KCNIP4: variants seen among roughly 807,000 people sequenced by gnomAD.
The protein encoded by KCNIP4 is potassium voltage-gated channel interacting protein 4, also known as Kv channel-interacting protein 4.
Under a neutral mutation model 34.0 loss-of-function variants are expected in KCNIP4, and 12 were observed. The ratio of observed to expected loss-of-function variants is 0.35; its 90% CI spans 0.23 to 0.57. The LOEUF (loss-of-function observed/expected upper bound fraction) is 0.57, where lower values mean the gene tolerates loss of function less well. KCNIP4 is among the 20% of genes least tolerant of loss of function. The pLI, the probability that KCNIP4 is intolerant of heterozygous loss-of-function variation, is 0.83. For synonymous variants in KCNIP4, 124 were observed against 102.2 expected, an observed-to-expected ratio of 1.21 and a Z score of -1.29; for missense variants, 238 against 311.7, an observed-to-expected ratio of 0.76 and a Z score of 1.78.
At chr4:21,405,350 A>G (rs1723891869) in intron 1 of KCNIP4, among the ~76,000 whole-genome samples, 2 of 152,160 alleles carry the variant, frequency 1.3e-5, no homozygotes, top group South Asian at 4.1e-4. Context: ...CTTATTGTGC[A>G]TCCTTATTGT....
intron 1 of KCNIP4, among the ~76,000 whole-genome samples, chr4:21,832,862 T>A (rs1320154541): frequency 6.6e-6 from 1 of 151,220 alleles, no homozygotes; most frequent in Admixed American, 6.6e-5. Context: ...GTTCTTGCGA[T>A]ACTTTACTGA....
chr4:21,050,592 T>C (rs534473399), intron 1 of KCNIP4, among the ~76,000 whole-genome samples: 2 of 152,300 alleles, frequency 1.3e-5, no homozygotes, highest in African/African-American at 4.8e-5. Context: ...GAAACAAATA[T>C]AGTTGAATAA....
At chr4:21,487,083 G>A (rs1191836511) in intron 1 of KCNIP4, among the ~76,000 whole-genome samples, 1 of 152,068 alleles carries the variant, frequency 6.6e-6, no homozygotes, top group Non-Finnish European at 1.5e-5. Context: ...TTACAGGTGT[G>A]AGCCTCTGTG....
At chr4:21,514,532 G>T (rs1349628223) in intron 1 of KCNIP4, among the ~76,000 whole-genome samples, 1 of 151,936 alleles carries the variant, frequency 6.6e-6, no homozygotes, top group Non-Finnish European at 1.5e-5. Context: ...CAGCCCTAAT[G>T]GGAAAAATAG....
chr4:20,847,227 A>T (rs890738989), intron 3 of KCNIP4, among the ~76,000 whole-genome samples: 1 of 152,176 alleles, frequency 6.6e-6, no homozygotes, highest in Admixed American at 6.5e-5. Flanking sequence ...CCCAGTTTAT[A>T]GACAAAGACA....
rs140182794 is a variant in KCNIP4, at chr4:21,893,705, G to C, written c.61+54866C>G. Among the ~76,000 whole-genome samples, 1,326 of 152,224 alleles carry C rather than the reference G, an allele frequency of 8.7e-3. 15 individuals are homozygous for C. Among genetic ancestry groups the C allele is most frequent in the South Asian group, 0.034 (164 of 4,826 alleles). On this transcript the variant is annotated intron_variant, in intron 1 of 8. Transcript: ENST00000382152. ...TAACAGATTAGTCCTTTTGAGACTA[G>C]ATCATTTCCTATAGCCAAAAATAAG...
Position 21,147,894 on chromosome 4 carries a change from ACG to A in KCNIP4, c.62-265187_62-265186del, listed in dbSNP as rs1467558186. ...GCAGATGTTGCAGTGAGCCAAGATC[ACG>A]CCACTACACTCCAGCCTGGACAACA... is the stretch of plus-strand genomic sequence containing the variant. On this transcript the variant is annotated intron_variant, in intron 1 of 8. Coordinates refer to ENST00000382152, the MANE Select transcript of KCNIP4 (RefSeq NM_025221.6). Among the ~76,000 whole-genome samples the A allele has an allele frequency of 1.7e-3, 248 of 142,942 alleles. 2 individuals carry two copies. Among genetic ancestry groups the A allele is most frequent in the African/African-American group, 6.0e-3 (230 of 38,414 alleles). The allele number at this position is 142,942 out of a possible 152,430, so 93.8% of individuals were successfully genotyped here.
intron 1 of KCNIP4, among the ~76,000 whole-genome samples, chr4:20,885,099 C>T (rs1231267828): frequency 2.0e-5 from 3 of 152,078 alleles, no homozygotes; most frequent in African/African-American, 4.8e-5. Flanking sequence ...CCTCCTCCCT[C>T]CCCTGCTTCC....
chr4:21,610,642 A>G (rs1309530317), intron 1 of KCNIP4, among the ~76,000 whole-genome samples: 1 of 152,160 alleles, frequency 6.6e-6, no homozygotes, highest in East Asian at 1.9e-4. Flanking sequence ...AAAAACACCA[A>G]TAAGAATACG....
chr4:21,004,972 C>A (rs893750365), intron 1 of KCNIP4, among the ~76,000 whole-genome samples: 2 of 151,884 alleles, frequency 1.3e-5, no homozygotes, highest in Non-Finnish European at 2.9e-5. Context: ...AGAGAGGAGA[C>A]AAGTGATAGA....
chr4:20,901,753 A>C (rs978899022), intron 1 of KCNIP4, among the ~76,000 whole-genome samples: 2 of 152,190 alleles, frequency 1.3e-5, no homozygotes, highest in African/African-American at 4.8e-5. Context: ...AATGAGAATA[A>C]GTATACTAAA....
chr4:21,843,083 TAAAG>T (rs950073834), intron 1 of KCNIP4, among the ~76,000 whole-genome samples: 72 of 152,244 alleles, frequency 4.7e-4, no homozygotes, highest in African/African-American at 1.7e-3. Context: ...CAAATTCTCT[TAAAG>T]AAGGGTAAAA....
chr4:21,074,601 T>C (rs1242126534), intron 1 of KCNIP4, among the ~76,000 whole-genome samples: 1 of 152,154 alleles, frequency 6.6e-6, no homozygotes, highest in Non-Finnish European at 1.5e-5. Context: ...CCTGGAGTCA[T>C]TGATTTTTTG....
At chr4:21,126,178 T>G (rs1750599283) in intron 1 of KCNIP4, among the ~76,000 whole-genome samples, 2 of 152,142 alleles carry the variant, frequency 1.3e-5, no homozygotes, top group Admixed American at 6.5e-5. Context: ...TTCTAATGGT[T>G]GAAATAAATG....
intron 1 of KCNIP4, among the ~76,000 whole-genome samples, chr4:20,941,872 C>T (rs1414368782): frequency 6.6e-6 from 1 of 152,124 alleles, no homozygotes; most frequent in Non-Finnish European, 1.5e-5. Flanking sequence ...TTAATCATTT[C>T]TGTAGGACCG....
intron 1 of KCNIP4, among the ~76,000 whole-genome samples, chr4:21,112,054 T>TATATATCC (rs1749254739): frequency 1.3e-5 from 2 of 152,052 alleles, no homozygotes; most frequent in African/African-American, 4.8e-5. Flanking sequence ...TCTATCTATC[T>TATATATCC]ATCTATCTAT....
intron 1 of KCNIP4, among the ~76,000 whole-genome samples, chr4:21,277,574 A>C (rs112934882): frequency 0.011 from 1,641 of 152,302 alleles, 25 homozygotes; most frequent in African/African-American, 0.036. Context: ...TTCATTAAGG[A>C]AGAGTAAAAA....
intron 1 of KCNIP4, among the ~76,000 whole-genome samples, chr4:21,801,838 CA>C (rs1721017801): frequency 6.6e-6 from 1 of 151,618 alleles, no homozygotes; most frequent in Admixed American, 6.6e-5. Context: ...GGCTGAGAAG[CA>C]GTGGCCTCTT....
chr4:21,865,802 C>T (rs965770219), intron 1 of KCNIP4, among the ~76,000 whole-genome samples: 2 of 151,640 alleles, frequency 1.3e-5, no homozygotes, highest in Non-Finnish European at 2.9e-5. Flanking sequence ...CTTGGTCTCC[C>T]GAAGTGCTGG....
Sources: allele counts gnomAD v4.1 joint callset (sites outside exome capture counted in the v4.1 genomes callset), GRCh38; gene constraint gnomAD v4.1.1; transcripts MANE v1.5; gene names NCBI Gene and HGNC (gene_info 2026-07-23, HGNC 2026-07-21).